The following CCDC88C variants were observed in gnomAD, a reference collection of about 807,000 sequenced individuals.
CCDC88C encodes coiled-coil and HOOK domain protein 88C, also known as protein Daple.
Under a neutral mutation model 198.8 loss-of-function variants are expected in CCDC88C, and 131 were observed. The observed-to-expected ratio is 0.66, with a 90% confidence interval of 0.57 to 0.76. The LOEUF (loss-of-function observed/expected upper bound fraction) is 0.76, where lower values mean the gene tolerates loss of function less well. CCDC88C is among the 30% of genes least tolerant of loss of function. CCDC88C has a pLI of 0.00. For synonymous variants in CCDC88C, 1,166 were observed against 1,114.7 expected (o/e 1.05, Z -0.92); for missense variants, 2,553 against 2,631.6 (o/e 0.97, Z 0.65).
chr14:91,364,509 G>A (rs1894441399), intron 3 of CCDC88C, among the ~76,000 whole-genome samples: 1 of 152,154 alleles, frequency 6.6e-6, no homozygotes, highest in South Asian at 2.1e-4. Flanking sequence ...TTGGGGGAGA[G>A]CAAGGCTGAA....
At chr14:91,378,422 G>A (rs545481611) in intron 3 of CCDC88C, among the ~76,000 whole-genome samples, 2 of 152,332 alleles carry the variant, frequency 1.3e-5, no homozygotes, top group African/African-American at 4.8e-5. Flanking sequence ...AATTGTTCAT[G>A]GCAGTCCTTG....
In CCDC88C at chr14:91,306,044, G is replaced by C. The variant is rs1891542891; in HGVS notation, c.3196-118C>G. 10 of 980,144 alleles carry C rather than the reference G, an allele frequency of 1.0e-5. 1 individual carries two copies. In the South Asian group the frequency reaches 1.4e-4, roughly 13 times the overall value. The allele number at this position is 980,144 out of a possible 1,614,324, so 60.7% of individuals were successfully genotyped here. A position where few individuals can be genotyped will look rare whatever the true frequency, so the allele number is the denominator to read the frequency against. On this transcript the variant is annotated intron_variant, in intron 18 of 29. Coordinates refer to ENST00000389857, the MANE Select transcript of CCDC88C (RefSeq NM_001080414.4). Reference sequence around the variant, plus strand: ...TGATGTTTTGGGGGCCAAATCGAGGGTCCGCTGGATGAGGTCAGTATATTT... The same window carrying C: ...TGATGTTTTGGGGGCCAAATCGAGGCTCCGCTGGATGAGGTCAGTATATTT...
At chr14:91,296,662 G>T (rs1313759135) in intron 22 of CCDC88C, among the ~76,000 whole-genome samples, 1 of 152,244 alleles carries the variant, frequency 6.6e-6, no homozygotes, top group African/African-American at 2.4e-5. Context: ...GCTACTGAGG[G>T]ATCTGGGCAA....
At chr14:91,391,121 G>C (rs1885480837) in intron 3 of CCDC88C, among the ~76,000 whole-genome samples, 1 of 152,172 alleles carries the variant, frequency 6.6e-6, no homozygotes, top group African/African-American at 2.4e-5. Flanking sequence ...TGTTCTAGAA[G>C]CCTGAGAAGC....
At chr14:91,360,806 C>T (rs1894273596) in intron 3 of CCDC88C, among the ~76,000 whole-genome samples, 1 of 152,232 alleles carries the variant, frequency 6.6e-6, no homozygotes. Flanking sequence ...TGGGGCAGAT[C>T]AGTCTTCTGT....
At chr14:91,383,913 A>C (rs1165754165) in intron 3 of CCDC88C, among the ~76,000 whole-genome samples, 1 of 152,206 alleles carries the variant, frequency 6.6e-6, no homozygotes, top group Admixed American at 6.5e-5. Context: ...ATGCTGTGAC[A>C]CCTGCAGAAA....
chr14:91,333,465 G>A (rs934380760), intron 10 of CCDC88C, among the ~76,000 whole-genome samples: 3 of 152,136 alleles, frequency 2.0e-5, no homozygotes, highest in Admixed American at 6.5e-5. Context: ...ATACAGCTTT[G>A]GGATTTCGAA....
At chr14:91,312,539 G>A (rs901983718) in intron 15 of CCDC88C, among the ~76,000 whole-genome samples, 1 of 152,148 alleles carries the variant, frequency 6.6e-6, no homozygotes, top group Admixed American at 6.5e-5. Context: ...AAAAAGATTA[G>A]CCAGGTGTGG....
At chr14:91,281,985 T>TA (rs1423089777) in intron 26 of CCDC88C, among the ~76,000 whole-genome samples, 1 of 152,174 alleles carries the variant, frequency 6.6e-6, no homozygotes, top group Non-Finnish European at 1.5e-5. Flanking sequence ...TCCTGGGGAA[T>TA]AACCCTTGCA....
At chr14:91,296,426 C>G (rs1248993557) in intron 22 of CCDC88C, among the ~76,000 whole-genome samples, 3 of 152,262 alleles carry the variant, frequency 2.0e-5, no homozygotes, top group Non-Finnish European at 4.4e-5. Flanking sequence ...CCTGAAACCT[C>G]CTGGAAGATC....
intron 23 of CCDC88C, among the ~76,000 whole-genome samples, chr14:91,293,425 C>T (rs1567055268): frequency 1.0e-4 from 15 of 146,424 alleles, no homozygotes; most frequent in African/African-American, 1.8e-4. Flanking sequence ...CCTGCCACGG[C>T]CCACCTTCCC....
chr14:91,415,959 A>G (rs1202847895), intron 2 of CCDC88C, among the ~76,000 whole-genome samples: 1 of 152,126 alleles, frequency 6.6e-6, no homozygotes, highest in Non-Finnish European at 1.5e-5. Context: ...AGGATGTTTT[A>G]TTTTGCTTCA....
At chr14:91,346,375 T>G (rs1336734369) in intron 4 of CCDC88C, among the ~76,000 whole-genome samples, 1 of 152,226 alleles carries the variant, frequency 6.6e-6, no homozygotes, top group Non-Finnish European at 1.5e-5. Context: ...CACCTGAGAA[T>G]AAGGCTCAGC....
At chr14:91,276,857 G>A (rs1039944843) in intron 29 of CCDC88C, among the ~76,000 whole-genome samples, 3 of 152,254 alleles carry the variant, frequency 2.0e-5, no homozygotes, top group African/African-American at 7.2e-5. Context: ...TACAGAGGTG[G>A]CAGGAGGTTG....
At chr14:91,404,200 T>C (rs1013805857) in intron 3 of CCDC88C, among the ~76,000 whole-genome samples, 4 of 152,176 alleles carry the variant, frequency 2.6e-5, no homozygotes, top group East Asian at 3.9e-4. Context: ...CTCCAAGGCT[T>C]TGTCCTACTC....
chr14:91,303,885 C>T lies in CCDC88C; in HGVS notation c.3451G>A (p.Glu1151Lys), dbSNP rs764238956. The T allele has an allele frequency of 3.1e-6, 5 of 1,613,100 alleles. No individual in the cohort carries two copies. Among genetic ancestry groups the T allele is most frequent in the Middle Eastern group, 1.6e-4 (1 of 6,062 alleles). Residue 1151 changes from glutamate (E) to lysine (K), a missense_variant, in exon 20 of 30, where the codon GAA becomes AAA. Transcript: ENST00000389857. ...NHHTAKETENESLQRQQEQLT... is the reference protein window; with the variant it reads ...NHHTAKETENKSLQRQQEQLT... ...TGCTCCTGCTGCCTCTGCAGGCTTT[C>T]GTTCTCCGTCTCCTTGGCCGTGTGG...
chr14:91,411,962 CAA>C (rs35255337), intron 2 of CCDC88C, among the ~76,000 whole-genome samples: 30 of 97,768 alleles, frequency 3.1e-4, no homozygotes, highest in African/African-American at 4.1e-4. Flanking sequence ...GACTCCATCT[CAA>C]AAAAAAAAAA....
At position 91,309,891 on chromosome 14, in the gene CCDC88C, C is replaced by G. The variant is rs1891740942; in HGVS notation, c.2832G>C (p.Leu944=). ...ELEKVGLNRE[L]LLQEDDSGSD... ...TGCCGCTGTCGTCCTCCTGCAACAG[C>G]AGCTCCCTGTTGAGGCCGACCTTCT... is the stretch of plus-strand genomic sequence containing the variant. Residue 944 remains leucine (L), a synonymous_variant, in exon 16 of 30, where the codon CTG becomes CTC. Transcript: ENST00000389857. 2.5e-6 allele frequency: 4 copies of G among 1,612,234 alleles called. No homozygotes were observed. Among genetic ancestry groups the G allele is most frequent in the Non-Finnish European group, 3.4e-6 (4 of 1,178,804 alleles).
At chr14:91,379,987 GCGCGAGCC>G (rs1186415505) in intron 3 of CCDC88C, 1 of 678,226 alleles carries the variant, frequency 1.5e-6, no homozygotes, top group African/African-American at 1.8e-5. Context: ...GTTGGGAACT[GCGCGAGCC>G]CACCGTGAGA....
Sources: allele counts gnomAD v4.1 joint callset (sites outside exome capture counted in the v4.1 genomes callset), GRCh38; gene constraint gnomAD v4.1.1; transcripts MANE v1.5; gene names NCBI Gene and HGNC (gene_info 2026-07-23, HGNC 2026-07-21).